CFAP251: variants seen among roughly 807,000 people sequenced by gnomAD.
CFAP251 encodes the protein cilia- and flagella-associated protein 251.
In CFAP251, 93 loss-of-function variants were observed where a neutral mutation model predicts 126.7. The ratio of observed to expected loss-of-function variants is 0.73; its 90% CI spans 0.62 to 0.87. The LOEUF is 0.87. CFAP251 is among the 40% of genes least tolerant of loss of function. The pLI, the probability that CFAP251 is intolerant of heterozygous loss-of-function variation, is 0.00. For missense variants in CFAP251, 1,287 were observed against 1,389.2 expected (o/e 0.93, Z 1.17); for synonymous variants, 503 against 506.9 (o/e 0.99, Z 0.10).
In CFAP251 at chr12:121,968,128, A is replaced by T. The variant is rs1040833528; in HGVS notation, c.2730A>T (p.Gly910=). ...ATGGCTGCTACGCCTTCACTGCGGG[A>T]GGGCACGATCGCTCGGTGGTGCAGT... is the stretch of plus-strand genomic sequence containing the variant. ...SYDGCYAFTA[G]GHDRSVVQWK... The change falls in exon 17 of 22, where the codon GGA becomes GGT. Residue 910 remains glycine (G), a synonymous_variant. Transcript: ENST00000288912. 5.0e-6 allele frequency: 8 copies of T among 1,612,442 alleles called. No homozygotes were observed. In the African/African-American group the frequency reaches 1.1e-4, roughly 22 times the overall value.
chr12:121,969,259 T>C, intron 17 of CFAP251: 1 of 985,438 alleles, frequency 1.0e-6, no homozygotes. Flanking sequence ...TAAATCTGCT[T>C]TGGAACCACG....
At chr12:121,922,575 C>T (rs545957931) in intron 2 of CFAP251, among the ~76,000 whole-genome samples, 4 of 152,182 alleles carry the variant, frequency 2.6e-5, no homozygotes, top group Admixed American at 6.5e-5. Context: ...AGAATGGAGT[C>T]GGTATGATAA....
At chr12:121,976,585 A>G (rs1882465370) in intron 19 of CFAP251, among the ~76,000 whole-genome samples, 1 of 152,164 alleles carries the variant, frequency 6.6e-6, no homozygotes, top group South Asian at 2.1e-4. Context: ...CATCTCAGGG[A>G]AATGTTCCTC....
At position 121,958,924 on chromosome 12, in the gene CFAP251, C is replaced by T. The variant is rs1216094182; in HGVS notation, c.1982-19C>T. On this transcript the variant is annotated intron_variant, in intron 12 of 21. Transcript: ENST00000288912. Reference sequence around the variant, plus strand: ...ATGAATGTAATCCTTTTCCATCGTTCTCTGGCTTGTCATTTCAGGAGCCCT... The same window carrying T: ...ATGAATGTAATCCTTTTCCATCGTTTTCTGGCTTGTCATTTCAGGAGCCCT... 6.4e-7 allele frequency: 1 copy of T among 1,570,544 alleles called. No homozygotes were observed. Among genetic ancestry groups the T allele is most frequent in the East Asian group, 2.2e-5 (1 of 44,682 alleles).
intron 18 of CFAP251, 42 bp from the exon 19 acceptor site, chr12:121,975,500 A>G (rs1882434521): frequency 6.2e-7 from 1 of 1,603,278 alleles, no homozygotes; most frequent in Admixed American, 1.8e-5. Flanking sequence ...CTTCAGACTT[A>G]AGCCTAAATG....
chr12:121,959,148 C>A, intron 13 of CFAP251, 54 bp downstream of exon 13: 2 of 1,509,340 alleles, frequency 1.3e-6, no homozygotes, highest in Non-Finnish European at 1.8e-6. Context: ...TATTTGAAAC[C>A]AAAAGAGGCC....
At chr12:121,954,939 C>T (rs891270134) in intron 10 of CFAP251, among the ~76,000 whole-genome samples, 10 of 152,136 alleles carry the variant, frequency 6.6e-5, no homozygotes, top group Non-Finnish European at 4.4e-5. Flanking sequence ...GGATTTTGCA[C>T]CCAACATTTT....
At chr12:121,925,599 C>G (rs375047798) in intron 3 of CFAP251, among the ~76,000 whole-genome samples, 6 of 152,262 alleles carry the variant, frequency 3.9e-5, no homozygotes, top group African/African-American at 1.4e-4. Context: ...CTGTTCACTC[C>G]GAGAGAAAGA....
In CFAP251 at chr12:121,999,912, G is replaced by T; in HGVS notation, c.3203G>T (p.Arg1068Ile). The T allele has an allele frequency of 6.2e-7, 1 of 1,613,988 alleles. No individual in the cohort carries two copies. The highest frequency in any genetic ancestry group is 2.2e-5 in the East Asian group (1 of 44,878). The change falls in exon 20 of 22, where the codon AGA becomes ATA. Residue 1068 changes from arginine to isoleucine, a missense_variant. By Grantham distance (97) the Arg-to-Ile change is moderately conservative. Transcript: ENST00000288912. ...TCCAAAGGGAAAAAGGCCATTCGAA[G>T]AGAGGACTTCCTGAGACTGCTCGTT... ...TNSKGKKAIR[R>I]EDFLRLLVTK...
intron 19 of CFAP251, among the ~76,000 whole-genome samples, chr12:121,986,880 C>G (rs1252268259): frequency 1.3e-5 from 2 of 152,058 alleles, no homozygotes; most frequent in African/African-American, 4.8e-5. Context: ...TTGGGGAGAC[C>G]TCGGACATAC....
intron 3 of CFAP251, among the ~76,000 whole-genome samples, chr12:121,927,189 T>G (rs1863920944): frequency 3.1e-5 from 1 of 31,978 alleles, no homozygotes; most frequent in Admixed American, 2.0e-4. Context: ...GTTGTTTAGG[T>G]TTTTTTTTTT....
chr12:121,958,316 C>T lies in CFAP251; in HGVS notation c.1775C>T (p.Thr592Ile). 1 of 1,614,186 alleles carries T rather than the reference C, an allele frequency of 6.2e-7. No individual in the cohort carries two copies. Among genetic ancestry groups the T allele is most frequent in the Non-Finnish European group, 8.5e-7 (1 of 1,180,038 alleles). The change falls in exon 12 of 22, where the codon ACA (threonine) becomes ATA (isoleucine). Residue 592 changes from threonine to isoleucine, a missense_variant. Physicochemically the swap from Thr to Ile is moderately conservative, Grantham distance 89. Transcript: ENST00000288912. ...TCTGATGCCGCGGTGTACCACTTAA[C>T]AACAGATGGGACCAAACTTGAGAAG... ...GTSDAAVYHL[T>I]TDGTKLEKLF...
At chr12:121,931,244 G>C (rs1046847515) in intron 3 of CFAP251, among the ~76,000 whole-genome samples, 2 of 152,140 alleles carry the variant, frequency 1.3e-5, no homozygotes, top group Non-Finnish European at 2.9e-5. Flanking sequence ...TTCTAATGGA[G>C]ATATAATTAA....
At chr12:121,935,309 G>A (rs1054764086) in intron 5 of CFAP251, among the ~76,000 whole-genome samples, 4 of 152,130 alleles carry the variant, frequency 2.6e-5, no homozygotes, top group Non-Finnish European at 5.9e-5. Context: ...AACAGTTTTA[G>A]ATTTACAGAA....
At chr12:121,978,250 C>T (rs1882520556) in intron 19 of CFAP251, among the ~76,000 whole-genome samples, 1 of 150,560 alleles carries the variant, frequency 6.6e-6, no homozygotes, top group African/African-American at 2.4e-5. Context: ...AAAAATAAGC[C>T]GAGCGTGGTG....
At chr12:121,956,676 A>G (rs1881738143) in intron 10 of CFAP251, among the ~76,000 whole-genome samples, 1 of 152,074 alleles carries the variant, frequency 6.6e-6, no homozygotes, top group South Asian at 2.1e-4. Flanking sequence ...TTGTATTTTT[A>G]GTAGAGGCGG....
At chr12:121,956,964 T>G in intron 10 of CFAP251, 110 bp from the exon 11 acceptor site, 2 of 785,564 alleles carry the variant, frequency 2.5e-6, no homozygotes, top group Non-Finnish European at 1.9e-6. Context: ...AGTATTAAAT[T>G]AAGTTTTTGC....
chr12:121,993,816 C>G (rs1412156402), intron 19 of CFAP251, among the ~76,000 whole-genome samples: 1 of 134,962 alleles, frequency 7.4e-6, no homozygotes, highest in Non-Finnish European at 1.6e-5. Flanking sequence ...GCCCCCCGCC[C>G]GGCCAGCCGC....
intron 19 of CFAP251, among the ~76,000 whole-genome samples, chr12:121,985,246 T>C (rs1882717666): frequency 6.6e-6 from 1 of 152,156 alleles, no homozygotes; most frequent in African/African-American, 2.4e-5. Flanking sequence ...TTTAAGAGTG[T>C]ATCCTGGCCA....
Sources: gnomAD v4.1 joint callset for allele counts (sites outside exome capture counted in the v4.1 genomes callset) on GRCh38, gnomAD v4.1.1 for gene constraint, MANE v1.5 for transcripts, NCBI Gene and HGNC (gene_info 2026-07-23, HGNC 2026-07-21) for gene names.